Variants in EPN2 observed in about 807,000 individuals in gnomAD.
EPN2 encodes the protein epsin 2.
EPN2 carries 34 observed loss-of-function variants against 61.7 expected under a neutral mutation model. The ratio of observed to expected loss-of-function variants is 0.55; its 90% CI spans 0.42 to 0.73. The LOEUF (loss-of-function observed/expected upper bound fraction) is 0.73. EPN2 is among the 30% of genes least tolerant of loss of function. EPN2 has a pLI of 0.00. For synonymous variants in EPN2, 349 were observed against 353.6 expected, an observed-to-expected ratio of 0.99 and a Z score of 0.15; for missense variants, 714 against 839.2, an observed-to-expected ratio of 0.85 and a Z score of 1.84.
chr17:19,334,323 G>C lies in EPN2; in HGVS notation c.*69G>C, dbSNP rs750510106. On this transcript the variant is annotated 3_prime_UTR_variant, in exon 11 of 11. Coordinates refer to ENST00000314728, the MANE Select transcript of EPN2 (RefSeq NM_014964.5). The surrounding 1 kb of genome is among the most constrained non-coding windows in gnomAD (Gnocchi z 4.9). ...GCCGAGCAGGGACTCTCGTCTGTGGGACGGGATCCAAGAGTTTGGGGATTA... is the reference window on the plus strand; with the variant it reads ...GCCGAGCAGGGACTCTCGTCTGTGGCACGGGATCCAAGAGTTTGGGGATTA... 2 of 1,297,528 alleles carry C rather than the reference G, an allele frequency of 1.5e-6. No homozygotes were observed. The allele number at this position is 1,297,528 out of a possible 1,614,324, so 80.4% of individuals were successfully genotyped here.
intron 8 of EPN2, 148 bp downstream of exon 8, chr17:19,329,035 C>T: frequency 4.5e-6 from 3 of 664,754 alleles, no homozygotes; most frequent in Non-Finnish European, 5.0e-6. Flanking sequence ...ATCCCCAGAT[C>T]CCAGGTGCCC....
rs1907175544 is a variant in EPN2, at chr17:19,331,920, A to G, written c.1479A>G (p.Gln493=). 6.2e-7 allele frequency: 1 copy of G among 1,613,808 alleles called. No homozygotes were observed. Among genetic ancestry groups the G allele is most frequent in the South Asian group, 1.1e-5 (1 of 91,064 alleles). The part of the protein sequence containing the change: ...GTTSPDPFES[Q]PLTVASSKPS... The stretch of plus-strand genomic sequence containing the variant: ...CCAGCCCTGACCCCTTTGAGTCTCA[A>G]CCCCTGACTGTCGCCTCAAGCAAGC... The change falls in exon 10 of 11, where the codon CAA becomes CAG. Residue 493 remains glutamine, a synonymous_variant. Coordinates refer to ENST00000314728, the MANE Select transcript of EPN2 (RefSeq NM_014964.5).
intron 1 of EPN2, among the ~76,000 whole-genome samples, chr17:19,258,703 G>A (rs2045108322): frequency 6.6e-6 from 1 of 152,122 alleles, no homozygotes; most frequent in Non-Finnish European, 1.5e-5. Context: ...TTCCTTCTGG[G>A]GGCCCTTGGC....
chr17:19,300,026 G>T (rs576114623), intron 4 of EPN2, among the ~76,000 whole-genome samples: 2 of 152,364 alleles, frequency 1.3e-5, no homozygotes, highest in South Asian at 2.1e-4. Flanking sequence ...TGGCCGGCTG[G>T]AAGCAGTTGA....
At chr17:19,320,257 C>T (rs965286682) in intron 7 of EPN2, among the ~76,000 whole-genome samples, 5 of 152,188 alleles carry the variant, frequency 3.3e-5, no homozygotes, top group East Asian at 1.9e-4. Context: ...GCCTGTGACC[C>T]GCATGCTGGC....
At chr17:19,266,408 T>A (rs545842403) in intron 1 of EPN2, among the ~76,000 whole-genome samples, 44 of 150,922 alleles carry the variant, frequency 2.9e-4, no homozygotes, top group Middle Eastern at 3.4e-3. Flanking sequence ...TTATTTTATT[T>A]TTTTTTTTTT....
chr17:19,242,021 C>T (rs1327150970), intron 1 of EPN2, among the ~76,000 whole-genome samples: 14 of 151,574 alleles, frequency 9.2e-5, no homozygotes, highest in Non-Finnish European at 1.9e-4. Context: ...TTGTGAATAA[C>T]GAGATTTCTG....
intron 1 of EPN2, among the ~76,000 whole-genome samples, chr17:19,256,150 G>T (rs1447472329): frequency 6.6e-6 from 1 of 151,930 alleles, no homozygotes; most frequent in Non-Finnish European, 1.5e-5. Context: ...TGTTAGCCAG[G>T]ATGGTCGCGA....
At chr17:19,317,202 C>T (rs1338576304) in intron 7 of EPN2, among the ~76,000 whole-genome samples, 1 of 152,182 alleles carries the variant, frequency 6.6e-6, no homozygotes, top group Admixed American at 6.5e-5. Flanking sequence ...TTCCAAGCAG[C>T]ACTAGGAGCA....
chr17:19,277,634 G>C (rs2045320442), intron 1 of EPN2, among the ~76,000 whole-genome samples: 1 of 152,176 alleles, frequency 6.6e-6, no homozygotes, highest in Admixed American at 6.5e-5. Flanking sequence ...TGTTCAGCTG[G>C]AATAGCTGGA....
At chr17:19,291,835 C>T (rs1469531141) in intron 4 of EPN2, among the ~76,000 whole-genome samples, 1 of 152,140 alleles carries the variant, frequency 6.6e-6, no homozygotes, top group Admixed American at 6.6e-5. Flanking sequence ...CACAGTGGGC[C>T]CTCAGAGGAC....
chr17:19,269,183 C>T (rs1484942078), intron 1 of EPN2, among the ~76,000 whole-genome samples: 2 of 152,196 alleles, frequency 1.3e-5, no homozygotes, highest in Admixed American at 6.5e-5. Flanking sequence ...AACATTAGGG[C>T]TGGCTCATAC....
At chr17:19,241,191 G>A (rs1341883556) in intron 1 of EPN2, among the ~76,000 whole-genome samples, 1 of 152,170 alleles carries the variant, frequency 6.6e-6, no homozygotes, top group African/African-American at 2.4e-5. Context: ...AGGGAGGTGG[G>A]GTGATATGAT....
chr17:19,238,332 C>T (rs1043790719), intron 1 of EPN2, among the ~76,000 whole-genome samples: 13 of 152,358 alleles, frequency 8.5e-5, no homozygotes, highest in African/African-American at 3.1e-4. Flanking sequence ...GAGAGCCGAG[C>T]GCGTTGGGAG....
At chr17:19,267,130 C>T (rs866897967) in intron 1 of EPN2, among the ~76,000 whole-genome samples, 5 of 151,914 alleles carry the variant, frequency 3.3e-5, no homozygotes, top group African/African-American at 7.2e-5. Flanking sequence ...TGAGCCACTG[C>T]GCCCGGCCTA....
chr17:19,265,521 A>G (rs1468195882), intron 1 of EPN2, among the ~76,000 whole-genome samples: 2 of 152,200 alleles, frequency 1.3e-5, no homozygotes, highest in Non-Finnish European at 2.9e-5. Flanking sequence ...TGATCTCTTC[A>G]TTCTCTGCTT....
Position 19,285,256 on chromosome 17 carries a change from G to C in EPN2, c.596-364G>C, listed in dbSNP as rs1488588054. ...GGATGCTAAGCAAGGAGCTGAAACA[G>C]CTTCATGTTCCATGAACAATTTGTG... On this transcript the variant is annotated intron_variant, in intron 3 of 10. Transcript: ENST00000314728. This position sits in a 1 kb window ranked among gnomAD's most constrained non-coding sequence, Gnocchi z 4.5. 6.6e-6 allele frequency among the ~76,000 whole-genome samples: 1 copy of C among 152,224 alleles called. No individual in the cohort carries two copies. Among genetic ancestry groups the C allele is most frequent in the Non-Finnish European group, 1.5e-5 (1 of 68,036 alleles).
At chr17:19,296,297 C>T (rs1370560192) in intron 4 of EPN2, among the ~76,000 whole-genome samples, 9 of 151,944 alleles carry the variant, frequency 5.9e-5, no homozygotes, top group Admixed American at 4.6e-4. Flanking sequence ...ACTACAGGTG[C>T]GTGCCACCAC....
At chr17:19,281,795 G>GGGCC (rs1369773044) in intron 1 of EPN2, among the ~76,000 whole-genome samples, 160 bp from the exon 2 acceptor site, 1 of 152,116 alleles carries the variant, frequency 6.6e-6, no homozygotes. Flanking sequence ...CTTCCTATCC[G>GGGCC]GGCCCTAGCT....
Sources: gnomAD v4.1 joint callset for allele counts (sites outside exome capture counted in the v4.1 genomes callset) on GRCh38, gnomAD v4.1.1 for gene constraint, Gnocchi (gnomAD v3.1) non-coding constraint, MANE v1.5 for transcripts, NCBI Gene and HGNC (gene_info 2026-07-23, HGNC 2026-07-21) for gene names.